CCDC178: variants seen among roughly 807,000 people sequenced by gnomAD.
CCDC178 encodes the protein coiled-coil domain-containing protein 178.
CCDC178 carries 126 observed loss-of-function variants against 117.4 expected under a neutral mutation model. The ratio of observed to expected loss-of-function variants is 1.07; its 90% CI spans 0.93 to 1.24. CCDC178 has a LOEUF of 1.24. CCDC178 is among the 50% of genes most tolerant of loss of function. The probability of loss-of-function intolerance (pLI) is 0.00; values close to 1 mark genes in which losing one functional copy is unlikely to be tolerated. For missense variants in CCDC178, 1,030 were observed against 986.9 expected, an observed-to-expected ratio of 1.04 and a Z score of -0.59; for synonymous variants, 283 against 313.4, an observed-to-expected ratio of 0.90 and a Z score of 1.02.
chr18:33,241,576 A>T (rs1018962247), intron 15 of CCDC178, among the ~76,000 whole-genome samples: 4 of 151,596 alleles, frequency 2.6e-5, no homozygotes, highest in African/African-American at 9.7e-5. Flanking sequence ...TGAACAATGA[A>T]CTAGCTGAAA....
At chr18:33,284,508 TATC>T (rs1411380551) in intron 12 of CCDC178, among the ~76,000 whole-genome samples, 4 of 152,162 alleles carry the variant, frequency 2.6e-5, no homozygotes, top group Admixed American at 2.0e-4. Flanking sequence ...CATATGATAA[TATC>T]ATTATTCATA....
chr18:33,167,771 AGAG>A (rs2058550787), intron 20 of CCDC178, among the ~76,000 whole-genome samples: 1 of 151,974 alleles, frequency 6.6e-6, no homozygotes, highest in African/African-American at 2.4e-5. Context: ...AGAGGCTGAG[AGAG>A]GAGAATTGCA....
intron 18 of CCDC178, among the ~76,000 whole-genome samples, chr18:33,219,088 G>A (rs957987981): frequency 6.6e-6 from 1 of 152,088 alleles, no homozygotes; most frequent in African/African-American, 2.4e-5. Flanking sequence ...CGATCAACAT[G>A]GAATGTTCTT....
At chr18:33,223,251 C>A (rs2059260325) in intron 17 of CCDC178, 32 bp from the exon 18 acceptor site, 1 of 1,554,530 alleles carries the variant, frequency 6.4e-7, no homozygotes, top group Admixed American at 1.9e-5. Context: ...AGATGTGCAG[C>A]ATTTGCAACC....
chr18:33,409,404 T>C (rs2063821726), intron 3 of CCDC178, among the ~76,000 whole-genome samples: 1 of 152,136 alleles, frequency 6.6e-6, no homozygotes, highest in African/African-American at 2.4e-5. Context: ...ATTTTTAGAA[T>C]GGTGAGAGTT....
At chr18:33,272,834 A>C (rs1373865488) in intron 12 of CCDC178, among the ~76,000 whole-genome samples, 1 of 151,480 alleles carries the variant, frequency 6.6e-6, no homozygotes, top group Non-Finnish European at 1.5e-5. Context: ...AATCATTTGA[A>C]ATATTTCTAT....
At chr18:33,167,866 C>CTAAATAAATAAATAAATAAATAAA (rs34929402) in intron 20 of CCDC178, among the ~76,000 whole-genome samples, 1 of 148,620 alleles carries the variant, frequency 6.7e-6, no homozygotes, top group African/African-American at 2.5e-5. Flanking sequence ...GACTCTGTCT[C>CTAAATAAATAAATAAATAAATAAA]TAAATAAATA....
chr18:33,317,059 A>G (rs2062429309), intron 11 of CCDC178, among the ~76,000 whole-genome samples: 2 of 152,114 alleles, frequency 1.3e-5, no homozygotes, highest in Non-Finnish European at 2.9e-5. Flanking sequence ...GGGGCCAGAT[A>G]AGAGAATAAA....
intron 11 of CCDC178, among the ~76,000 whole-genome samples, chr18:33,296,627 T>G (rs1276614329): frequency 6.6e-6 from 1 of 152,186 alleles, no homozygotes; most frequent in Non-Finnish European, 1.5e-5. Flanking sequence ...GACCTGCATA[T>G]TTATCAAGAT....
intron 21 of CCDC178, among the ~76,000 whole-genome samples, chr18:32,983,942 T>C (rs1161569198): frequency 2.0e-5 from 3 of 151,996 alleles, no homozygotes; most frequent in Non-Finnish European, 4.4e-5. Context: ...GAATGACAGA[T>C]ATAAAAAATC....
At chr18:33,434,602 T>C (rs554168107) in intron 2 of CCDC178, among the ~76,000 whole-genome samples, 1 of 152,160 alleles carries the variant, frequency 6.6e-6, no homozygotes, top group South Asian at 2.1e-4. Flanking sequence ...TCTGCAACAT[T>C]GTGTTTCAGA....
chr18:33,214,848 T>C (rs1188372218), intron 19 of CCDC178, among the ~76,000 whole-genome samples: 3 of 152,034 alleles, frequency 2.0e-5, no homozygotes, highest in Non-Finnish European at 4.4e-5. Context: ...CATTATGATT[T>C]TGCTAATGCT....
At chr18:33,088,252 C>T (rs2057411877) in intron 21 of CCDC178, among the ~76,000 whole-genome samples, 1 of 151,888 alleles carries the variant, frequency 6.6e-6, no homozygotes, top group Non-Finnish European at 1.5e-5. Flanking sequence ...CTTTATTCTT[C>T]AATATTTTGC....
At chr18:33,277,343 A>G (rs997744307) in intron 12 of CCDC178, among the ~76,000 whole-genome samples, 5 of 152,188 alleles carry the variant, frequency 3.3e-5, no homozygotes, top group African/African-American at 9.6e-5. Context: ...CTAGAAGTAC[A>G]AAACAATAAT....
intron 21 of CCDC178, among the ~76,000 whole-genome samples, chr18:33,039,006 A>G (rs895430850): frequency 6.6e-5 from 10 of 152,040 alleles, no homozygotes; most frequent in African/African-American, 2.4e-4. Flanking sequence ...TTAAACTACA[A>G]TTTACAAAAT....
intron 8 of CCDC178, among the ~76,000 whole-genome samples, chr18:33,347,817 G>A (rs1441331549): frequency 6.6e-6 from 1 of 151,928 alleles, no homozygotes; most frequent in Non-Finnish European, 1.5e-5. Flanking sequence ...ATGCCGTATA[G>A]GTAACTTGAG....
At chr18:33,040,672 C>G (rs2056531627) in intron 21 of CCDC178, among the ~76,000 whole-genome samples, 1 of 151,844 alleles carries the variant, frequency 6.6e-6, no homozygotes, top group Admixed American at 6.6e-5. Context: ...AATATTAACA[C>G]ACAAAGCAAG....
At chr18:32,981,120 G>C (rs1223091384) in intron 21 of CCDC178, among the ~76,000 whole-genome samples, 2 of 152,074 alleles carry the variant, frequency 1.3e-5, no homozygotes, top group East Asian at 3.9e-4. Context: ...AGCCAAAGAG[G>C]ATTGCTCGAG....
chr18:33,067,586 T>G (rs1259200992), intron 21 of CCDC178, among the ~76,000 whole-genome samples: 2 of 152,232 alleles, frequency 1.3e-5, no homozygotes, highest in African/African-American at 2.4e-5. Context: ...GGCTCACTCT[T>G]GTAATCCCAG....
Sources: gnomAD v4.1 joint callset for allele counts (sites outside exome capture counted in the v4.1 genomes callset) on GRCh38, gnomAD v4.1.1 for gene constraint, MANE v1.5 for transcripts, NCBI Gene and HGNC (gene_info 2026-07-23, HGNC 2026-07-21) for gene names.